The following ACSL1 variants were observed in gnomAD, a reference collection of about 807,000 sequenced individuals.
ACSL1 encodes acyl-CoA synthetase long chain family member 1, also known as long-chain-fatty-acid--CoA ligase 1.
Under a neutral mutation model 98.4 loss-of-function variants are expected in ACSL1, and 41 were observed. The ratio of observed to expected loss-of-function variants is 0.42; its 90% CI spans 0.32 to 0.54. ACSL1 has a LOEUF of 0.54. Among genes scored for constraint, ACSL1 ranks in the 20% least tolerant of loss-of-function variants. ACSL1 has a pLI of 0.13. For missense variants in ACSL1, 734 were observed against 883.1 expected (o/e 0.83, Z 2.14); for synonymous variants, 316 against 322.7 (o/e 0.98, Z 0.22).
chr4:184,763,165 A>ACATCGC lies in ACSL1; in HGVS notation c.1521+1_1521+2insGCGATG. ...GGAAAATGACTGACGGTTTTCACTC[A>ACATCGC]CCTCGCCCTCGCCCTCGGCAGCCAT... On this transcript the variant is annotated splice_donor_variant, in intron 16 of 20. Transcript: ENST00000281455. LOFTEE classifies it high-confidence loss of function. 1 of 1,612,872 alleles carries ACATCGC rather than the reference A, an allele frequency of 6.2e-7. No individual in the cohort carries two copies.
At chr4:184,780,236 GA>G in intron 5 of ACSL1, 95 bp downstream of exon 5, 1 of 1,043,112 alleles carries the variant, frequency 9.6e-7, no homozygotes, top group Non-Finnish European at 1.4e-6. Context: ...ACTTTTAGTA[GA>G]AATCAGACTA....
At chr4:184,762,575 G>T in intron 16 of ACSL1, 52 bp from the exon 17 acceptor site, 1 of 1,506,406 alleles carries the variant, frequency 6.6e-7, no homozygotes, top group East Asian at 2.3e-5. Flanking sequence ...TTTTTCCAGA[G>T]AAAACTGGTG....
chr4:184,807,961 G>C (rs908852032), intron 1 of ACSL1, among the ~76,000 whole-genome samples: 25 of 152,132 alleles, frequency 1.6e-4, no homozygotes, highest in African/African-American at 5.8e-4. Flanking sequence ...CCCAACCCAG[G>C]TTAGGAACCA....
Position 184,800,130 on chromosome 4 carries a change from C to T in ACSL1, c.195+3190G>A, listed in dbSNP as rs377707907. ...AGACAAAGGGAAAAAAGTAACATTGCTGCATACTTATTGTGGGCCAAGCAG... is the reference window on the plus strand; with the variant it reads ...AGACAAAGGGAAAAAAGTAACATTGTTGCATACTTATTGTGGGCCAAGCAG... On this transcript the variant is annotated intron_variant, in intron 2 of 20. Coordinates refer to ENST00000281455, the MANE Select transcript of ACSL1 (RefSeq NM_001995.5). Among the ~76,000 whole-genome samples, 20 of 152,284 alleles carry T rather than the reference C, an allele frequency of 1.3e-4. No individual in the cohort carries two copies. In the South Asian group the frequency reaches 2.1e-3, roughly 16 times the overall value.
At chr4:184,798,343 C>T (rs1769819118) in intron 2 of ACSL1, 1 of 152,224 alleles carries the variant, frequency 6.6e-6, no homozygotes, top group African/African-American at 2.4e-5. Flanking sequence ...TAAAAACAAA[C>T]AAATAACACA....
intron 18 of ACSL1, among the ~76,000 whole-genome samples, chr4:184,759,213 G>C (rs1762541865): frequency 6.6e-6 from 1 of 152,276 alleles, no homozygotes; most frequent in Admixed American, 6.5e-5. Flanking sequence ...AAACATACGT[G>C]TGCATGTGTC....
rs1331159352 is a variant in ACSL1, at chr4:184,803,969, AGTACAAGCCCAAACCACC to A, written c.-32-441_-32-424del. 6.6e-6 allele frequency among the ~76,000 whole-genome samples: 1 copy of A among 152,228 alleles called. No homozygotes were observed. Among genetic ancestry groups the A allele is most frequent in the Admixed American group, 6.5e-5 (1 of 15,282 alleles). ...CTAATGGGAATATGAGTGAAGGGGA[AGTACAAGCCCAAACCACC>A]TAAGGGCCATCAGTTTCTATTTCTT... On this transcript the variant is annotated intron_variant, in intron 1 of 20. Coordinates refer to ENST00000281455, the MANE Select transcript of ACSL1 (RefSeq NM_001995.5). This position sits in a 1 kb window ranked among gnomAD's most constrained non-coding sequence, Gnocchi z 4.8.
intron 1 of ACSL1, among the ~76,000 whole-genome samples, chr4:184,818,643 G>A (rs552904374): frequency 1.6e-4 from 25 of 152,288 alleles, no homozygotes; most frequent in African/African-American, 6.0e-4. Context: ...GTAAGGCCCT[G>A]TATTAAACGC....
Position 184,780,422 on chromosome 4 carries a change from C to T in ACSL1, c.387G>A (p.Leu129=), listed in dbSNP as rs1246881151. 4 of 1,612,250 alleles carry T rather than the reference C, an allele frequency of 2.5e-6. No homozygotes were observed. The African/African-American group carries it at 5.3e-5, about 22-fold the overall frequency. Residue 129 remains leucine (L), a synonymous_variant, in exon 5 of 21, where the codon TTG becomes TTA. Coordinates refer to ENST00000281455, the MANE Select transcript of ACSL1 (RefSeq NM_001995.5). ...TCAGTGCTGAGCCTATGCACTCCGACAATTCTGCAACCTAAAATGGAGAGG... is the reference window on the plus strand; with the variant it reads ...TCAGTGCTGAGCCTATGCACTCCGATAATTCTGCAACCTAAAATGGAGAGG... ...EWLSYKQVAE[L]SECIGSALIQ...
chr4:184,807,199 T>C (rs946074252), intron 1 of ACSL1, among the ~76,000 whole-genome samples: 1 of 152,242 alleles, frequency 6.6e-6, no homozygotes, highest in Admixed American at 6.5e-5. Context: ...CTCAGACAGA[T>C]TGTATTCTTA....
chr4:184,773,876 CT>C lies in ACSL1; in HGVS notation c.757-2del. 1 of 1,613,838 alleles carries C rather than the reference CT, an allele frequency of 6.2e-7. No homozygotes were observed. The highest frequency in any genetic ancestry group is 8.5e-7 in the Non-Finnish European group (1 of 1,179,844). On this transcript the variant is annotated splice_acceptor_variant, in intron 7 of 20. Transcript: ENST00000281455. LOFTEE classifies it high-confidence loss of function. This position sits in a 1 kb window ranked among gnomAD's most constrained non-coding sequence, Gnocchi z 4.3. ...TCCGTCTGTTGGCTCTTCCCAGGTC[CT>C]TAATTAGAAGAGAAAAAAAGTCTTA... is the stretch of plus-strand genomic sequence containing the variant.
At chr4:184,813,029 CAAACAAAACA>C (rs377037417) in intron 1 of ACSL1, among the ~76,000 whole-genome samples, 20 of 152,090 alleles carry the variant, frequency 1.3e-4, no homozygotes, top group African/African-American at 2.7e-4. Context: ...TTCTCCAGAG[CAAACAAAACA>C]AAACAAAACA....
chr4:184,792,969 A>G (rs1252314517), intron 2 of ACSL1, among the ~76,000 whole-genome samples: 1 of 152,184 alleles, frequency 6.6e-6, no homozygotes, highest in Non-Finnish European at 1.5e-5. Flanking sequence ...GCCTATTTAA[A>G]TGAAAAATAG....
At position 184,803,670 on chromosome 4, in the gene ACSL1, C is replaced by A. The variant is rs929930613; in HGVS notation, c.-32-124G>T. ...TCGGCCAGTCCAGGCATTAAACCCA[C>A]AATCTAATGATCCGGGGCTTTTCCT... On this transcript the variant is annotated intron_variant, in intron 1 of 20. Coordinates refer to ENST00000281455, the MANE Select transcript of ACSL1 (RefSeq NM_001995.5). The surrounding 1 kb of genome is among the most constrained non-coding windows in gnomAD (Gnocchi z 4.8). 1 of 496,752 alleles carries A rather than the reference C, an allele frequency of 2.0e-6. No individual in the cohort carries two copies. Among genetic ancestry groups the A allele is most frequent in the Admixed American group, 4.1e-5 (1 of 24,444 alleles). The allele number at this position is 496,752 out of a possible 1,614,324, so 30.8% of individuals were successfully genotyped here.
At position 184,760,219 on chromosome 4, in the gene ACSL1, G is replaced by A. The variant is rs1185820962; in HGVS notation, c.1782+138C>T. ...TGCCAAGCAACAAAAATCAGTAACA[G>A]GTCAATGATATTCTAGCAGATTAGA... On this transcript the variant is annotated intron_variant, in intron 18 of 20. Transcript: ENST00000281455. The A allele has an allele frequency of 2.0e-5, 20 of 992,586 alleles. 1 individual carries two copies. Among genetic ancestry groups the A allele is most frequent in the Middle Eastern group, 3.0e-4 (1 of 3,298 alleles). 61.5% of individuals were successfully genotyped at this position (992,586 alleles called of 1,614,324 possible).
Position 184,763,169 on chromosome 4 carries a change from C to T in ACSL1, c.1519G>A (p.Glu507Lys). ...AATGACTGACGGTTTTCACTCACCT[C>T]GCCCTCGCCCTCGGCAGCCATGTAA... ...MNYMAAEGEG[E>K]VCVKGPNVFQ... Residue 507 changes from glutamate to lysine, a missense_variant and splice_region_variant, in exon 16 of 21, where the codon GAG (glutamate) becomes AAG (lysine). Transcript: ENST00000281455. 1.2e-6 allele frequency: 2 copies of T among 1,613,148 alleles called. No individual in the cohort carries two copies. Among genetic ancestry groups the T allele is most frequent in the South Asian group, 1.1e-5 (1 of 90,774 alleles).
chr4:184,782,166 C>G (rs1469389924), intron 4 of ACSL1, among the ~76,000 whole-genome samples: 2 of 151,740 alleles, frequency 1.3e-5, no homozygotes, highest in African/African-American at 4.8e-5. Flanking sequence ...TTTAAGGAAT[C>G]AGAGCCTGAG....
chr4:184,762,454 C>T lies in ACSL1; in HGVS notation c.1591G>A (p.Asp531Asn). The T allele has an allele frequency of 6.2e-7, 1 of 1,614,232 alleles. No homozygotes were observed. Among genetic ancestry groups the T allele is most frequent in the Non-Finnish European group, 8.5e-7 (1 of 1,180,044 alleles). Residue 531 changes from aspartate to asparagine, a missense_variant, in exon 17 of 21, where the codon GAC becomes AAC. Coordinates refer to ENST00000281455, the MANE Select transcript of ACSL1 (RefSeq NM_001995.5). ...CCTGTGTGTAACCAGCCGTCTTTGTCCAAAGCTTCTGCTGTTTTCGCTGGG... is the reference window on the plus strand; with the variant it reads ...CCTGTGTGTAACCAGCCGTCTTTGTTCAAAGCTTCTGCTGTTTTCGCTGGG... ...KDPAKTAEAL[D>N]KDGWLHTGDI...
rs765038537 is a variant in ACSL1, at chr4:184,768,379, G to C, written c.1065C>G (p.Leu355=). 1 of 1,613,558 alleles carries C rather than the reference G, an allele frequency of 6.2e-7. No individual in the cohort carries two copies. The highest frequency in any genetic ancestry group is 2.2e-5 in the East Asian group (1 of 44,870). ...GGAAGACAGTGGGTTGAAGCACCTT[G>C]AGGTCATCCATGAGCAGCCTGATAT... ...QGDIRLLMDD[L]KVLQPTVFPV... The change falls in exon 12 of 21, where the codon CTC becomes CTG. Residue 355 remains leucine, a synonymous_variant. Coordinates refer to ENST00000281455, the MANE Select transcript of ACSL1 (RefSeq NM_001995.5).
Sources: allele counts gnomAD v4.1 joint callset (sites outside exome capture counted in the v4.1 genomes callset), GRCh38; gene constraint gnomAD v4.1.1; non-coding constraint Gnocchi (gnomAD v3.1); transcripts MANE v1.5; gene names NCBI Gene and HGNC (gene_info 2026-07-23, HGNC 2026-07-21).